The following WDR17 variants were observed in gnomAD, a reference collection of about 807,000 sequenced individuals.
WDR17 encodes WD repeat-containing protein 17.
WDR17 carries 143 observed loss-of-function variants against 161.7 expected under a neutral mutation model. The observed-to-expected ratio is 0.88, with a 90% CI of 0.77 to 1.02. The LOEUF is 1.02. Ranked by LOEUF, WDR17 falls within the 50% of genes least tolerant of loss-of-function variation. The probability of loss-of-function intolerance (pLI) is 0.00; values close to 1 mark genes in which losing one functional copy is unlikely to be tolerated. For synonymous variants in WDR17, 517 were observed against 515.6 expected (o/e 1.00, Z -0.04); for missense variants, 1,469 against 1,520.9 (o/e 0.97, Z 0.57).
chr4:176,146,565 A>C (rs965455656), intron 12 of WDR17, among the ~76,000 whole-genome samples: 4 of 152,166 alleles, frequency 2.6e-5, no homozygotes, highest in Non-Finnish European at 5.9e-5. Flanking sequence ...AGAGCCTCAG[A>C]CACTCATTTG....
intron 13 of WDR17, among the ~76,000 whole-genome samples, chr4:176,149,258 T>C (rs1443245914): frequency 6.6e-6 from 1 of 152,152 alleles, no homozygotes; most frequent in Non-Finnish European, 1.5e-5. Flanking sequence ...TTCTTTCTTT[T>C]TTTTATTATT....
chr4:176,078,572 A>G (rs1401328042), intron 1 of WDR17, among the ~76,000 whole-genome samples: 1 of 152,118 alleles, frequency 6.6e-6, no homozygotes, highest in African/African-American at 2.4e-5. Flanking sequence ...TGACTCAGGC[A>G]TATTGAACCT....
At chr4:176,126,034 C>A (rs554215334) in intron 5 of WDR17, among the ~76,000 whole-genome samples, 1 of 152,268 alleles carries the variant, frequency 6.6e-6, no homozygotes, top group South Asian at 2.1e-4. Context: ...ATAAATAACC[C>A]ACTCCTACAC....
rs1181590547 is a variant in WDR17 at position 176,076,268 on chromosome 4, CAT to C, written c.-7+10197_-7+10198del. 5.6e-3 allele frequency among the ~76,000 whole-genome samples: 181 copies of C among 32,376 alleles called. 2 individuals carry two copies. The highest frequency in any genetic ancestry group is 6.8e-3 in the African/African-American group (108 of 15,782). The allele number at this position is 32,376 out of a possible 152,430, so 21.2% of individuals were successfully genotyped here. A position where few individuals can be genotyped will look rare whatever the true frequency, so the allele number is the denominator to read the frequency against. On this transcript the variant is annotated intron_variant, in intron 1 of 28. Transcript: ENST00000508596. ...ATATATATATATACACACACACACA[CAT>C]ATATATACATGTAAGCAAAATATGT...
chr4:176,072,916 G>T (rs1377190301), intron 1 of WDR17, among the ~76,000 whole-genome samples: 1 of 151,976 alleles, frequency 6.6e-6, no homozygotes, highest in Non-Finnish European at 1.5e-5. Context: ...GACATTTTTA[G>T]GTACTTTTAT....
Position 176,173,288 on chromosome 4 carries a change from G to A in WDR17, c.3266G>A (p.Trp1089Ter). ...CCAGAATACATCAGTAGCTCAGACTGGACTTTGGATACCATATACCCTGTT... is the reference window on the plus strand; with the variant it reads ...CCAGAATACATCAGTAGCTCAGACTAGACTTTGGATACCATATACCCTGTT... ...FVKEYISSSDWTLDTIYPVLD... is the reference protein window; with the variant it reads ...FVKEYISSSD Residue 1089 changes from tryptophan (W) to a stop codon, truncating the protein, a stop_gained, in exon 25 of 29, where the codon TGG becomes TAG. Transcript: ENST00000508596. LOFTEE classifies it high-confidence loss of function. 2 of 1,611,420 alleles carry A rather than the reference G, an allele frequency of 1.2e-6. No homozygotes were observed. The highest frequency in any genetic ancestry group is 8.5e-7 in the Non-Finnish European group (1 of 1,178,966).
At chr4:176,083,645 C>G (rs1230074032) in intron 1 of WDR17, among the ~76,000 whole-genome samples, 1 of 152,022 alleles carries the variant, frequency 6.6e-6, no homozygotes, top group African/African-American at 2.4e-5. Flanking sequence ...TGTGAATATT[C>G]TAATACATGT....
intron 1 of WDR17, among the ~76,000 whole-genome samples, chr4:176,066,899 A>G (rs374120929): frequency 6.6e-6 from 1 of 152,236 alleles, no homozygotes; most frequent in Non-Finnish European, 1.5e-5. Flanking sequence ...CCAAAGCCCA[A>G]CAATGTGAGA....
In WDR17 at chr4:176,136,337, G is replaced by A. The variant is rs183231672; in HGVS notation, c.1267+1061G>A. ...ACCTTGGCTAGCAATATAGGAATTG[G>A]ACCAGCCAGTGCAGTCACCTTGCAC... is the stretch of plus-strand genomic sequence containing the variant. On this transcript the variant is annotated intron_variant, in intron 8 of 28. Transcript: ENST00000508596. 1.3e-3 allele frequency among the ~76,000 whole-genome samples: 198 copies of A among 151,672 alleles called. 1 individual carries two copies. Among genetic ancestry groups the A allele is most frequent in the Middle Eastern group, 3.4e-3 (1 of 294 alleles).
At chr4:176,139,262 G>GTTGATGAATGACATTC (rs1561163766) in intron 9 of WDR17, among the ~76,000 whole-genome samples, 1 of 151,778 alleles carries the variant, frequency 6.6e-6, no homozygotes, top group African/African-American at 2.4e-5. Flanking sequence ...TGATCACACC[G>GTTGATGAATGACATTC]TTGATGAATG....
Position 176,115,745 on chromosome 4 carries a change from A to G in WDR17, c.124-51A>G, listed in dbSNP as rs140893040. On this transcript the variant is annotated intron_variant, in intron 2 of 28. Coordinates refer to ENST00000508596, the MANE Select transcript of WDR17 (RefSeq NM_181265.4). ...TGTGTAATGTGAATATTAACAGTGT[A>G]TTATCTTAAAAAGGAGCACTAAAAT... The G allele has an allele frequency of 7.5e-5, 104 of 1,388,972 alleles. No homozygotes were observed. In the African/African-American group the frequency reaches 1.4e-3, roughly 19 times the overall value. The allele number at this position is 1,388,972 out of a possible 1,614,324, so 86.0% of individuals were successfully genotyped here.
At chr4:176,149,105 G>A (rs968323844) in intron 13 of WDR17, among the ~76,000 whole-genome samples, 5 of 152,042 alleles carry the variant, frequency 3.3e-5, no homozygotes, top group Non-Finnish European at 7.4e-5. Context: ...TAACTAGAAC[G>A]TCATCTGCCC....
At position 176,065,978 on chromosome 4, in the gene WDR17, AG is replaced by A; in HGVS notation, c.-105del. 6.6e-6 allele frequency: 1 copy of A among 151,896 alleles called. No homozygotes were observed. The highest frequency in any genetic ancestry group is 1.5e-5 in the Non-Finnish European group (1 of 67,944). The allele number at this position is 151,896 out of a possible 1,614,324, so 9.4% of individuals were successfully genotyped here. A position where few individuals can be genotyped will look rare whatever the true frequency, so the allele number is the denominator to read the frequency against. ...GGGCGCCCTGAGCGAGCAGGCGGGG[AG>A]GGCGGGGAGGGTCCGCGCGTTGGTG... is the stretch of plus-strand genomic sequence containing the variant. On this transcript the variant is annotated 5_prime_UTR_variant, in exon 1 of 29. Transcript: ENST00000508596.
At chr4:176,103,719 T>G (rs1297921913) in intron 1 of WDR17, among the ~76,000 whole-genome samples, 1 of 151,880 alleles carries the variant, frequency 6.6e-6, no homozygotes, top group Non-Finnish European at 1.5e-5. Flanking sequence ...ATATTGAGTC[T>G]GAGGAACAGA....
chr4:176,165,761 A>G (rs562826916), intron 22 of WDR17, among the ~76,000 whole-genome samples: 1 of 152,202 alleles, frequency 6.6e-6, no homozygotes, highest in African/African-American at 2.4e-5. Context: ...TATGTTACAT[A>G]ATATGATTAA....
At chr4:176,167,664 A>AAAACAAC (rs1554036556) in intron 22 of WDR17, among the ~76,000 whole-genome samples, 1 of 146,822 alleles carries the variant, frequency 6.8e-6, no homozygotes, top group Non-Finnish European at 1.5e-5. Flanking sequence ...AAAAAAAAAA[A>AAAACAAC]AAAAAAAACA....
rs901426065 is a variant in WDR17 at position 176,139,835 on chromosome 4, T to G, written c.1360-57T>G. The G allele has an allele frequency of 3.6e-6, 5 of 1,378,734 alleles. No individual in the cohort carries two copies. The African/African-American group carries it at 5.8e-5, about 16-fold the overall frequency. 85.4% of individuals were successfully genotyped at this position (1,378,734 alleles called of 1,614,324 possible). ...GTAATACTTAGAAGAAGTAAATATA[T>G]AAGAGAAAAAAGGGGTGAATTATTT... On this transcript the variant is annotated intron_variant, in intron 9 of 28. Transcript: ENST00000508596.
At chr4:176,140,497 T>C (rs1029682169) in intron 10 of WDR17, among the ~76,000 whole-genome samples, 7 of 152,176 alleles carry the variant, frequency 4.6e-5, no homozygotes, top group African/African-American at 1.7e-4. Context: ...AAATATGTGC[T>C]TTCTTAATTC....
intron 9 of WDR17, 52 bp from the exon 10 acceptor site, chr4:176,139,840 G>GA (rs1408719616): frequency 1.9e-5 from 27 of 1,443,968 alleles, no homozygotes; most frequent in African/African-American, 7.1e-5. Context: ...ATATATAAGA[G>GA]AAAAAAGGGG....
Sources: allele counts gnomAD v4.1 joint callset (sites outside exome capture counted in the v4.1 genomes callset), GRCh38; gene constraint gnomAD v4.1.1; transcripts MANE v1.5; gene names NCBI Gene and HGNC (gene_info 2026-07-23, HGNC 2026-07-21).